The following BCL9 variants were observed in gnomAD, a reference collection of about 807,000 sequenced individuals.
BCL9 encodes BCL9 transcription coactivator.
A neutral mutation model predicts 88.5 loss-of-function variants in BCL9; 25 were observed. That is an observed-to-expected ratio of 0.28 (90% CI 0.21 to 0.39). The LOEUF (loss-of-function observed/expected upper bound fraction) is 0.39, where lower values mean the gene tolerates loss of function less well. BCL9 is among the 10% of genes least tolerant of loss of function. The pLI is 1.00. For synonymous variants in BCL9, 711 were observed against 673.3 expected (o/e 1.06, Z -0.87); for missense variants, 1,817 against 1,877.8 (o/e 0.97, Z 0.60).
intron 1 of BCL9, among the ~76,000 whole-genome samples, chr1:147,556,247 T>C (rs1052012038): frequency 6.6e-6 from 1 of 150,434 alleles, no homozygotes; most frequent in Admixed American, 6.6e-5. Flanking sequence ...GCCTCCTGAG[T>C]AGCTGGGATT....
In BCL9 at chr1:147,624,480, C is replaced by A; in HGVS notation, c.3802C>A (p.Pro1268Thr). 1 of 1,614,218 alleles carries A rather than the reference C, an allele frequency of 6.2e-7. No individual in the cohort carries two copies. ...PGRKQPQGPG[P>T]GFSHMQGMMG... ...CCGTAAACAGCCCCAGGGTCCTGGACCTGGGTTTTCACACATGCAGGGGAT... is the reference window on the plus strand; with the variant it reads ...CCGTAAACAGCCCCAGGGTCCTGGAACTGGGTTTTCACACATGCAGGGGAT... Residue 1268 changes from proline to threonine, a missense_variant, in exon 10 of 10, where the codon CCT (proline) becomes ACT (threonine). This residue lies in a region of BCL9 where 589 missense variants were observed against 686.2 expected (regional missense o/e 0.86). Transcript: ENST00000234739. The surrounding 1 kb of genome is among the most constrained non-coding windows in gnomAD (Gnocchi z 4.4).
Position 147,619,702 on chromosome 1 carries a change from CT to C in BCL9, c.1548del (p.Pro517HisfsTer4). 1 of 1,614,036 alleles carries C rather than the reference CT, an allele frequency of 6.2e-7. No individual in the cohort carries two copies. The highest frequency in any genetic ancestry group is 8.5e-7 in the Non-Finnish European group (1 of 1,180,026). ...GPRGVVRGPPPPYQMTPSEGW... is the reference protein window; with the variant it reads ...GPRGVVRGPPXPYQMTPSEGW... ...CGGGGAGTGGTCCGAGGACCCCCCC[CT>C]CCATACCAGATGACCCCTAGTGAAG... On this transcript the variant is annotated frameshift_variant, in exon 8 of 10. Transcript: ENST00000234739. LOFTEE classifies it high-confidence loss of function. This position sits in a 1 kb window ranked among gnomAD's most constrained non-coding sequence, Gnocchi z 4.1.
chr1:147,581,168 T>A (rs369843692), intron 1 of BCL9, among the ~76,000 whole-genome samples: 11 of 152,228 alleles, frequency 7.2e-5, no homozygotes, highest in African/African-American at 2.7e-4. Flanking sequence ...TTGTCTGGTA[T>A]GACAATTGCT....
intron 1 of BCL9, among the ~76,000 whole-genome samples, chr1:147,574,040 C>T (rs975103687): frequency 1.6e-4 from 25 of 152,108 alleles, no homozygotes; most frequent in African/African-American, 5.8e-4. Context: ...ATATATGTTA[C>T]CTCTTTAATC....
rs782454692 is a variant in BCL9 at position 147,618,976 on chromosome 1, T to C, written c.821T>C (p.Leu274Pro). ...APKPAAPPRPLDRESPGVENK... is the reference protein window; with the variant it reads ...APKPAAPPRPPDRESPGVENK... The stretch of plus-strand genomic sequence containing the variant: ...AAGCCTGCCGCACCCCCACGTCCCC[T>C]GGACCGGGAGAGTCCTGGGGTAGAA... The change falls in exon 8 of 10, where the codon CTG becomes CCG. Residue 274 changes from leucine to proline, a missense_variant. By Grantham distance (98) the Leu-to-Pro change is moderately conservative. Around this residue, in one of 2 missense-constraint regions of BCL9, gnomAD observed 1,228 missense variants for 1,191.6 expected, o/e 1.03. Coordinates refer to ENST00000234739, the MANE Select transcript of BCL9 (RefSeq NM_004326.4). 1 of 1,613,332 alleles carries C rather than the reference T, an allele frequency of 6.2e-7. No individual in the cohort carries two copies.
chr1:147,625,714 TTCTC>T lies in BCL9; in HGVS notation c.*760_*763del, dbSNP rs782099257. ...CCCACTGGCACATTTTTCTCTTGTT[TTCTC>T]TCTCCGATTTTGCTCTGTCTCCTCA... On this transcript the variant is annotated 3_prime_UTR_variant, in exon 10 of 10. Transcript: ENST00000234739. 5 of 232,926 alleles carry T rather than the reference TTCTC, an allele frequency of 2.1e-5. No homozygotes were observed. The highest frequency in any genetic ancestry group is 4.3e-5 in the Non-Finnish European group (5 of 117,608). 14.4% of individuals were successfully genotyped at this position (232,926 alleles called of 1,614,324 possible). A position where few individuals can be genotyped will look rare whatever the true frequency, so the allele number is the denominator to read the frequency against.
intron 3 of BCL9, among the ~76,000 whole-genome samples, chr1:147,607,275 A>G (rs895421655): frequency 6.6e-6 from 1 of 152,218 alleles, no homozygotes; most frequent in Non-Finnish European, 1.5e-5. Flanking sequence ...GTTACTGTAA[A>G]TAATGCTGCA....
chr1:147,616,016 C>G, intron 7 of BCL9, 114 bp downstream of exon 7: 2 of 1,023,238 alleles, frequency 2.0e-6, no homozygotes, highest in Non-Finnish European at 2.9e-6. Flanking sequence ...GAGTTGCATT[C>G]TTGGCATTTA....
rs781867942 is a variant in BCL9, at chr1:147,620,551, A to G, written c.2396A>G (p.Asn799Ser). ...QGPGSNSGLR[N>S]LREPIGPDQR... ...CCAGGCAGCAACAGTGGCTTGCGGA[A>G]TCTCAGAGAACCAATTGGGCCCGAC... is the stretch of plus-strand genomic sequence containing the variant. The change falls in exon 8 of 10, where the codon AAT becomes AGT. Residue 799 changes from asparagine (N) to serine (S), a missense_variant. This residue lies in a region of BCL9 where 1,228 missense variants were observed against 1,191.6 expected (regional missense o/e 1.03). Transcript: ENST00000234739. The G allele has an allele frequency of 6.2e-7, 1 of 1,613,586 alleles. No homozygotes were observed. The highest frequency in any genetic ancestry group is 8.5e-7 in the Non-Finnish European group (1 of 1,179,874).
chr1:147,551,204 C>A (rs1369515206), intron 1 of BCL9, among the ~76,000 whole-genome samples: 3 of 152,214 alleles, frequency 2.0e-5, no homozygotes, highest in Non-Finnish European at 2.9e-5. Context: ...GTTGAGGACA[C>A]TGCGGTCTAG....
chr1:147,578,598 G>A (rs1344053608), intron 1 of BCL9, among the ~76,000 whole-genome samples: 1 of 152,150 alleles, frequency 6.6e-6, no homozygotes, highest in Non-Finnish European at 1.5e-5. Context: ...CTTCTACTAG[G>A]CATTCAGAAA....
rs782186716 is a variant in BCL9, at chr1:147,619,059, G to A, written c.904G>A (p.Gly302Ser). The change falls in exon 8 of 10, where the codon GGT becomes AGT. Residue 302 changes from glycine (G) to serine (S), a missense_variant. Around this residue, in one of 2 missense-constraint regions of BCL9, gnomAD observed 1,228 missense variants for 1,191.6 expected, o/e 1.03. Coordinates refer to ENST00000234739, the MANE Select transcript of BCL9 (RefSeq NM_004326.4). This position sits in a 1 kb window ranked among gnomAD's most constrained non-coding sequence, Gnocchi z 4.1. Reference sequence around the variant, plus strand: ...CAGCTCCACTCCACTGCCCCCAGATGGTACTGGGCCCAACTCAACTCCCAA... The same window carrying A: ...CAGCTCCACTCCACTGCCCCCAGATAGTACTGGGCCCAACTCAACTCCCAA... ...PASSTPLPPD[G>S]TGPNSTPNNR... 1.9e-6 allele frequency: 3 copies of A among 1,612,318 alleles called. No individual in the cohort carries two copies. The highest frequency in any genetic ancestry group is 1.7e-5 in the Admixed American group (1 of 59,850).
chr1:147,602,025 C>T (rs1454724109), intron 1 of BCL9, among the ~76,000 whole-genome samples: 1 of 151,718 alleles, frequency 6.6e-6, no homozygotes, highest in Admixed American at 6.6e-5. Context: ...CTCAGCCTCC[C>T]AAGTAGCTGG....
chr1:147,559,748 G>A (rs1655288536), intron 1 of BCL9, among the ~76,000 whole-genome samples: 2 of 152,328 alleles, frequency 1.3e-5, no homozygotes, highest in South Asian at 4.1e-4. Context: ...AAGCAAGAGA[G>A]TAAATACCTC....
chr1:147,544,626 C>T (rs1654474827), intron 1 of BCL9, among the ~76,000 whole-genome samples: 1 of 152,056 alleles, frequency 6.6e-6, no homozygotes, highest in Admixed American at 6.6e-5. Context: ...CACTCAGCTG[C>T]AAGAGACTCC....
intron 1 of BCL9, among the ~76,000 whole-genome samples, chr1:147,598,913 T>C (rs1175846865): frequency 6.6e-6 from 1 of 152,212 alleles, no homozygotes; most frequent in African/African-American, 2.4e-5. Flanking sequence ...ATCTGAGCTT[T>C]GATTCAGCAA....
At chr1:147,570,855 G>A (rs753847438) in intron 1 of BCL9, among the ~76,000 whole-genome samples, 3 of 151,828 alleles carry the variant, frequency 2.0e-5, no homozygotes, top group Admixed American at 6.6e-5. Flanking sequence ...GGCTGGTCTC[G>A]AACTCCTGAC....
chr1:147,555,469 G>T (rs1377392217), intron 1 of BCL9, among the ~76,000 whole-genome samples: 1 of 152,222 alleles, frequency 6.6e-6, no homozygotes, highest in African/African-American at 2.4e-5. Context: ...GTTAACAACA[G>T]TAGAGACCCT....
rs587771208 is a variant in BCL9, at chr1:147,620,497, C to G, written c.2342C>G (p.Pro781Arg). ...EHPQQEYGMG[P>R]RPFLPMSQGP... ...CCCCAGCAGGAGTATGGCATGGGCCCCAGACCATTCCTTCCCATGTCTCAG... is the reference window on the plus strand; with the variant it reads ...CCCCAGCAGGAGTATGGCATGGGCCGCAGACCATTCCTTCCCATGTCTCAG... Residue 781 changes from proline to arginine, a missense_variant, in exon 8 of 10, where the codon CCC becomes CGC. Coordinates refer to ENST00000234739, the MANE Select transcript of BCL9 (RefSeq NM_004326.4). The G allele has an allele frequency of 1.2e-6, 2 of 1,614,130 alleles. No homozygotes were observed. The highest frequency in any genetic ancestry group is 1.7e-6 in the Non-Finnish European group (2 of 1,180,018).
Sources: allele counts gnomAD v4.1 joint callset (sites outside exome capture counted in the v4.1 genomes callset), GRCh38; gene constraint gnomAD v4.1.1; regional missense constraint gnomAD v4.1.1; non-coding constraint Gnocchi (gnomAD v3.1); transcripts MANE v1.5; gene names NCBI Gene and HGNC (gene_info 2026-07-23, HGNC 2026-07-21).